Variants in PAH observed in about 807,000 individuals in gnomAD.
PAH encodes the protein phenylalanine hydroxylase.
Under a neutral mutation model 62.0 loss-of-function variants are expected in PAH, and 64 were observed. That is an observed-to-expected ratio of 1.03 (90% confidence interval 0.84 to 1.27). The LOEUF (loss-of-function observed/expected upper bound fraction) is 1.27, where lower values mean the gene tolerates loss of function less well. PAH is among the 50% of genes most tolerant of loss of function. The probability of loss-of-function intolerance (pLI) is 0.00; values close to 1 mark genes in which losing one functional copy is unlikely to be tolerated. For missense variants in PAH, 579 were observed against 542.8 expected (o/e 1.07, Z -0.66); for synonymous variants, 195 against 196.2 (o/e 0.99, Z 0.05).
In PAH at chr12:102,886,930, G is replaced by T. The variant is rs1467068691; in HGVS notation, c.352+7805C>A. Reference sequence around the variant, plus strand: ...ACTGAATTAGGAGATAGATGTGAATGAGAGAGGAAGTTGGCAACGCTGACT... The same window carrying T: ...ACTGAATTAGGAGATAGATGTGAATTAGAGAGGAAGTTGGCAACGCTGACT... On this transcript the variant is annotated intron_variant, in intron 3 of 12. Coordinates refer to ENST00000553106, the MANE Select transcript of PAH (RefSeq NM_000277.3). Among the ~76,000 whole-genome samples the T allele has an allele frequency of 2.0e-5, 3 of 152,300 alleles. No homozygotes were observed. The East Asian group carries it at 5.8e-4, about 29-fold the overall frequency.
In PAH at chr12:102,840,494, A is replaced by T; in HGVS notation, c.1221T>A (p.Pro407=). ...GGTCGTAGCGAACTGAGAAGGGCCG[A>T]GGTATTGTGGCAGCAAAGTTCCTAA... is the stretch of plus-strand genomic sequence containing the variant. ...EKVRNFAATI[P]RPFSVRYDPY... Residue 407 remains proline, a synonymous_variant, in exon 12 of 13, where the codon CCT becomes CCA. Coordinates refer to ENST00000553106, the MANE Select transcript of PAH (RefSeq NM_000277.3). 1 of 1,613,744 alleles carries T rather than the reference A, an allele frequency of 6.2e-7. No individual in the cohort carries two copies. The highest frequency in any genetic ancestry group is 8.5e-7 in the Non-Finnish European group (1 of 1,179,708).
intron 4 of PAH, among the ~76,000 whole-genome samples, chr12:102,871,176 CA>C (rs1876300861): frequency 6.6e-6 from 1 of 152,192 alleles, no homozygotes. Flanking sequence ...CTTGCCTCTT[CA>C]AAAGCCCTTC....
intron 3 of PAH, among the ~76,000 whole-genome samples, chr12:102,884,526 TAA>T (rs1448889162): frequency 3.1e-4 from 47 of 152,322 alleles, no homozygotes; most frequent in Middle Eastern, 3.4e-3. Flanking sequence ...GCAAACTACT[TAA>T]TTCCTGCGTC....
At chr12:102,857,441 G>A (rs1875489261) in intron 5 of PAH, among the ~76,000 whole-genome samples, 2 of 152,146 alleles carry the variant, frequency 1.3e-5, no homozygotes, top group African/African-American at 4.8e-5. Context: ...TAGCAAGGCA[G>A]GCCAACATTC....
chr12:102,948,863 C>T (rs1030952391), intron 1 of PAH, among the ~76,000 whole-genome samples: 2 of 152,180 alleles, frequency 1.3e-5, no homozygotes, highest in African/African-American at 4.8e-5. Flanking sequence ...ACAAACATCT[C>T]AGTTATCTCT....
In PAH at chr12:102,913,243, A is replaced by G. The variant is rs1498688; in HGVS notation, c.61-345T>C. Reference sequence around the variant, plus strand: ...GAGAAATTTAAAGATGAATAAGACAATGCTTTATCTTTTAGGAGCTCACAA... The same window carrying G: ...GAGAAATTTAAAGATGAATAAGACAGTGCTTTATCTTTTAGGAGCTCACAA... On this transcript the variant is annotated intron_variant, in intron 1 of 12. Coordinates refer to ENST00000553106, the MANE Select transcript of PAH (RefSeq NM_000277.3). Among the ~76,000 whole-genome samples, 36,214 of 152,132 alleles carry G rather than the reference A, an allele frequency of 0.24. 5,382 individuals carry two copies. Among genetic ancestry groups the G allele is most frequent in the African/African-American group, 0.39 (16,128 of 41,488 alleles).
intron 1 of PAH, among the ~76,000 whole-genome samples, chr12:102,944,696 T>C (rs147954932): frequency 6.2e-4 from 94 of 152,352 alleles, no homozygotes; most frequent in African/African-American, 2.1e-3. Context: ...AAAGCAGGTA[T>C]TCTGAATTCC....
chr12:102,931,371 TA>T (rs1878867409), intron 1 of PAH, among the ~76,000 whole-genome samples: 1 of 152,096 alleles, frequency 6.6e-6, no homozygotes, highest in African/African-American at 2.4e-5. Context: ...GGGTAGGTGT[TA>T]GAGCTTGGCT....
chr12:102,866,972 T>C (rs1568791), intron 4 of PAH, among the ~76,000 whole-genome samples: 4,087 of 152,322 alleles, frequency 0.027, 176 homozygotes, highest in African/African-American at 0.092. Flanking sequence ...GCAAAGTTCA[T>C]AGGATGGATG....
intron 11 of PAH, among the ~76,000 whole-genome samples, chr12:102,842,965 G>A (rs1026025519): frequency 3.9e-5 from 6 of 151,958 alleles, no homozygotes; most frequent in African/African-American, 9.7e-5. Flanking sequence ...TCCTGCTTGG[G>A]TGCAGGAACT....
chr12:102,947,060 C>A (rs1879526016), intron 1 of PAH, among the ~76,000 whole-genome samples: 1 of 151,844 alleles, frequency 6.6e-6, no homozygotes, highest in Non-Finnish European at 1.5e-5. Context: ...CCAGCTGGGA[C>A]AATACTGAAG....
intron 7 of PAH, 102 bp downstream of exon 7, chr12:102,852,713 G>C (rs928806448): frequency 7.8e-6 from 11 of 1,419,078 alleles, no homozygotes; most frequent in African/African-American, 5.6e-5. Flanking sequence ...TAGACAACTA[G>C]TCCTGTGGAC....
At chr12:102,892,724 A>G (rs1404342060) in intron 3 of PAH, among the ~76,000 whole-genome samples, 1 of 152,250 alleles carries the variant, frequency 6.6e-6, no homozygotes, top group African/African-American at 2.4e-5. Flanking sequence ...ACTATGTGAC[A>G]TTCTTGAAAA....
chr12:102,858,621 G>C (rs1376179295), intron 5 of PAH, among the ~76,000 whole-genome samples: 1 of 152,112 alleles, frequency 6.6e-6, no homozygotes, highest in Non-Finnish European at 1.5e-5. Flanking sequence ...ATAACAAACT[G>C]TCTCTCAGAC....
intron 1 of PAH, among the ~76,000 whole-genome samples, chr12:102,941,396 T>A (rs140615635): frequency 1.1e-3 from 164 of 152,272 alleles, no homozygotes; most frequent in Non-Finnish European, 2.0e-3. Context: ...CCAAACTATA[T>A]GCTGTCTTCA....
At chr12:102,900,284 C>T (rs1247031850) in intron 2 of PAH, among the ~76,000 whole-genome samples, 1 of 152,012 alleles carries the variant, frequency 6.6e-6, no homozygotes, top group Non-Finnish European at 1.5e-5. Context: ...CTCCTGACTT[C>T]GTGATCCGCC....
Position 102,838,687 on chromosome 12 carries a change from T to G in PAH, c.*488A>C, listed in dbSNP as rs1565840175. On this transcript the variant is annotated 3_prime_UTR_variant, in exon 13 of 13. Coordinates refer to ENST00000553106, the MANE Select transcript of PAH (RefSeq NM_000277.3). ...GCTTCTGACTTAAAGAAAATTTACT[T>G]AGGTACAATAACAAAGTAGTAATTG... 1 of 154,590 alleles carries G rather than the reference T, an allele frequency of 6.5e-6. No homozygotes were observed. The highest frequency in any genetic ancestry group is 2.4e-5 in the African/African-American group (1 of 41,494). 9.6% of individuals were successfully genotyped at this position (154,590 alleles called of 1,614,324 possible).
upstream of PAH, among the ~76,000 whole-genome samples, chr12:102,955,529 G>A (rs997049688): frequency 3.3e-5 from 5 of 152,152 alleles, no homozygotes; most frequent in African/African-American, 9.7e-5. Flanking sequence ...CCACATTTGC[G>A]ACACTCCCTC....
intron 11 of PAH, among the ~76,000 whole-genome samples, chr12:102,842,512 A>G (rs1046322825): frequency 1.3e-5 from 2 of 152,216 alleles, no homozygotes; most frequent in African/African-American, 4.8e-5. Flanking sequence ...GTTCTCAAAC[A>G]AATGTTAGCT....
Sources: gnomAD v4.1 joint callset for allele counts (sites outside exome capture counted in the v4.1 genomes callset) on GRCh38, gnomAD v4.1.1 for gene constraint, MANE v1.5 for transcripts, NCBI Gene and HGNC (gene_info 2026-07-23, HGNC 2026-07-21) for gene names.